The following MYO5A variants were observed in gnomAD, a reference collection of about 807,000 sequenced individuals.
The protein encoded by MYO5A is unconventional myosin-Va.
In MYO5A, 98 loss-of-function variants were observed where a neutral mutation model predicts 249.7. That is an observed-to-expected ratio of 0.39 (90% confidence interval 0.33 to 0.46). MYO5A has a LOEUF of 0.46. Among genes scored for constraint, MYO5A ranks in the 20% least tolerant of loss-of-function variants. MYO5A has a pLI of 0.98. For synonymous variants in MYO5A, 778 were observed against 810.6 expected (o/e 0.96, Z 0.68); for missense variants, 1,696 against 2,308.8 (o/e 0.73, Z 5.44).
At position 52,375,478 on chromosome 15, in the gene MYO5A, C is replaced by T; in HGVS notation, c.2421-18G>A. The stretch of plus-strand genomic sequence containing the variant: ...TAGCATAGCTGGCCAAAGAAAATAA[C>T]ATTATGTTGTCAGTAATCAGAAAAA... On this transcript the variant is annotated intron_variant, in intron 19 of 41. Transcript: ENST00000399233. The T allele has an allele frequency of 6.2e-7, 1 of 1,613,752 alleles. No individual in the cohort carries two copies. The highest frequency in any genetic ancestry group is 8.5e-7 in the Non-Finnish European group (1 of 1,179,848).
intron 11 of MYO5A, among the ~76,000 whole-genome samples, chr15:52,395,290 AC>A: frequency 6.6e-6 from 1 of 152,312 alleles, no homozygotes; most frequent in East Asian, 1.9e-4. Flanking sequence ...CCGCTCTTCC[AC>A]TATTCTCCCT....
chr15:52,378,622 AT>A (rs2041569678), intron 18 of MYO5A, among the ~76,000 whole-genome samples: 1 of 151,428 alleles, frequency 6.6e-6, no homozygotes, highest in South Asian at 2.1e-4. Context: ...CAAGGAAAAA[AT>A]ATTATTAACA....
In MYO5A at chr15:52,313,541, G is replaced by T. The variant is rs577954061; in HGVS notation, c.*155C>A. ...AGCCTATCTTTGTTTCCAAAGTGAT[G>T]AAAGTATTCTAGGGAGATTTCCAGT... On this transcript the variant is annotated 3_prime_UTR_variant, in exon 42 of 42. Transcript: ENST00000399233. The T allele has an allele frequency of 7.2e-6, 7 of 971,118 alleles. No homozygotes were observed. Among genetic ancestry groups the T allele is most frequent in the Non-Finnish European group, 1.1e-5 (7 of 644,284 alleles). 60.2% of individuals were successfully genotyped at this position (971,118 alleles called of 1,614,324 possible). A position where few individuals can be genotyped will look rare whatever the true frequency, so the allele number is the denominator to read the frequency against.
At chr15:52,467,887 A>G (rs537495353) in intron 1 of MYO5A, among the ~76,000 whole-genome samples, 1 of 152,330 alleles carries the variant, frequency 6.6e-6, no homozygotes, top group Non-Finnish European at 1.5e-5. Flanking sequence ...GTGATGAAAG[A>G]AAAAAGAAAA....
intron 8 of MYO5A, among the ~76,000 whole-genome samples, chr15:52,406,719 T>C (rs2043019477): frequency 6.6e-6 from 1 of 151,976 alleles, no homozygotes; most frequent in South Asian, 2.1e-4. Context: ...ATTTTTTAAA[T>C]CCCAGAAACA....
intron 20 of MYO5A, among the ~76,000 whole-genome samples, chr15:52,372,956 AT>A (rs3834957): frequency 0.1 from 14,716 of 144,594 alleles, 2,127 homozygotes; most frequent in African/African-American, 0.33. Flanking sequence ...TGATTTATTG[AT>A]TTTTTTTTTT....
intron 1 of MYO5A, among the ~76,000 whole-genome samples, chr15:52,501,288 T>C (rs756021153): frequency 2.0e-5 from 3 of 152,178 alleles, no homozygotes; most frequent in East Asian, 1.9e-4. Context: ...GTTTTTTTTT[T>C]ACTCAAAAAT....
chr15:52,351,375 G>C lies in MYO5A; in HGVS notation c.3728C>G (p.Pro1243Arg). Reference protein sequence around the residue: ...SAPEVTAPGAPAYRVLMEQLT... With the variant: ...SAPEVTAPGARAYRVLMEQLT... ...CTGCTCCATGAGGACACGGTAGGCA[G>C]GTGCACCTGGGGCGGTCACCTCTGG... Residue 1243 changes from proline (P) to arginine (R), a missense_variant, in exon 28 of 42, where the codon CCT (proline) becomes CGT (arginine). Pro to Arg is a moderately radical substitution (Grantham distance 103). Around this residue, in one of 5 missense-constraint regions of MYO5A, gnomAD observed 625 missense variants for 908.1 expected, o/e 0.69. Transcript: ENST00000399233. The C allele has an allele frequency of 6.2e-7, 1 of 1,614,182 alleles. No individual in the cohort carries two copies. Among genetic ancestry groups the C allele is most frequent in the African/African-American group, 1.3e-5 (1 of 75,036 alleles).
chr15:52,520,238 G>T (rs551435506), intron 1 of MYO5A, among the ~76,000 whole-genome samples: 3 of 152,102 alleles, frequency 2.0e-5, no homozygotes, highest in Non-Finnish European at 2.9e-5. Flanking sequence ...TTCCAATGGC[G>T]AACAGCTCAC....
chr15:52,362,270 T>C (rs969070392), intron 24 of MYO5A, among the ~76,000 whole-genome samples: 2 of 152,226 alleles, frequency 1.3e-5, no homozygotes, highest in African/African-American at 2.4e-5. Flanking sequence ...TCCATTCATA[T>C]GACGACTCTG....
At chr15:52,502,673 C>A (rs2077183725) in intron 1 of MYO5A, among the ~76,000 whole-genome samples, 1 of 152,200 alleles carries the variant, frequency 6.6e-6, no homozygotes, top group Non-Finnish European at 1.5e-5. Flanking sequence ...CAGATGAACA[C>A]ATACAGGGGT....
chr15:52,358,875 C>T (rs1336859744), intron 25 of MYO5A, among the ~76,000 whole-genome samples: 1 of 152,092 alleles, frequency 6.6e-6, no homozygotes, highest in Non-Finnish European at 1.5e-5. Flanking sequence ...ATATCCTGGC[C>T]ATACTGTTAT....
intron 11 of MYO5A, among the ~76,000 whole-genome samples, chr15:52,394,244 G>A (rs559442756): frequency 6.6e-6 from 1 of 152,340 alleles, no homozygotes; most frequent in South Asian, 2.1e-4. Context: ...CTAAACCAGT[G>A]TGGGTACATG....
rs35145185 is a variant in MYO5A at position 52,497,756 on chromosome 15, C to CAAA, written c.27+31021_27+31023dup. On this transcript the variant is annotated intron_variant, in intron 1 of 41. Coordinates refer to ENST00000399233, the MANE Select transcript of MYO5A (RefSeq NM_001382347.1). ...TGGGCAACAGAGTGAGACTCTGTCT[C>CAAA]AAAAAAAAAAAAAAAAAAAAAGAAG... is the stretch of plus-strand genomic sequence containing the variant. Among the ~76,000 whole-genome samples, 487 of 61,780 alleles carry CAAA rather than the reference C, an allele frequency of 7.9e-3. 7 individuals are homozygous for CAAA. Among genetic ancestry groups the CAAA allele is most frequent in the Middle Eastern group, 0.025 (3 of 120 alleles). 40.5% of individuals were successfully genotyped at this position (61,780 alleles called of 152,430 possible).
rs2037800822 is a variant in MYO5A at position 52,312,293 on chromosome 15, T to A, written c.*1403A>T. ...CATAATGAAATATTTATTATATACC[T>A]TCTTTTGCATAATCAAAGTTTCAAG... On this transcript the variant is annotated 3_prime_UTR_variant, in exon 42 of 42. Coordinates refer to ENST00000399233, the MANE Select transcript of MYO5A (RefSeq NM_001382347.1). The A allele has an allele frequency of 6.6e-6, 1 of 152,224 alleles. No individual in the cohort carries two copies. The highest frequency in any genetic ancestry group is 1.5e-5 in the Non-Finnish European group (1 of 68,050). 9.4% of individuals were successfully genotyped at this position (152,224 alleles called of 1,614,324 possible). A position where few individuals can be genotyped will look rare whatever the true frequency, so the allele number is the denominator to read the frequency against.
chr15:52,373,518 A>AC (rs112094753), intron 20 of MYO5A, among the ~76,000 whole-genome samples: 9,374 of 151,712 alleles, frequency 0.062, 637 homozygotes, highest in African/African-American at 0.17. Flanking sequence ...TCTCTTTAAG[A>AC]CCCCCCCACT....
chr15:52,416,418 A>C (rs1301778962), intron 4 of MYO5A, 117 bp from the exon 5 acceptor site: 2 of 1,060,802 alleles, frequency 1.9e-6, no homozygotes, highest in Non-Finnish European at 2.8e-6. Flanking sequence ...TTTGGTCGAT[A>C]CTGGTGCTTA....
intron 32 of MYO5A, among the ~76,000 whole-genome samples, chr15:52,339,752 A>G (rs1470261004): frequency 6.6e-6 from 1 of 152,150 alleles, no homozygotes; most frequent in East Asian, 1.9e-4. Context: ...GCCTTTCTCA[A>G]CCTCAACTCT....
chr15:52,342,636 C>T (rs563370000), intron 31 of MYO5A, among the ~76,000 whole-genome samples: 2 of 152,080 alleles, frequency 1.3e-5, no homozygotes, highest in African/African-American at 2.4e-5. Flanking sequence ...GTGTTTGGAC[C>T]GGGTGTGGTG....
Sources: allele counts gnomAD v4.1 joint callset (sites outside exome capture counted in the v4.1 genomes callset), GRCh38; gene constraint gnomAD v4.1.1; regional missense constraint gnomAD v4.1.1; transcripts MANE v1.5; gene names NCBI Gene and HGNC (gene_info 2026-07-23, HGNC 2026-07-21).